Variants in PRR16 observed in about 807,000 individuals in gnomAD.
PRR16 encodes the protein protein Largen.
In PRR16, 6 loss-of-function variants were observed where a neutral mutation model predicts 18.2. The observed-to-expected ratio is 0.33, with a 90% CI of 0.18 to 0.65. PRR16 has a LOEUF of 0.65. Among genes scored for constraint, PRR16 ranks in the 30% least tolerant of loss-of-function variants. The pLI, the probability that PRR16 is intolerant of heterozygous loss-of-function variation, is 0.74. For synonymous variants in PRR16, 151 were observed against 147.8 expected (o/e 1.02, Z -0.16); for missense variants, 412 against 376.6 (o/e 1.09, Z -0.78).
chr5:120,729,142 T>C, the PRR16 span, among the ~76,000 whole-genome samples: 1 of 152,120 alleles, frequency 6.6e-6, no homozygotes, highest in Admixed American at 6.6e-5. Flanking sequence ...CTTCACAAAA[T>C]TTAGTAGAAT....
chr5:120,530,406 C>T (rs1464168231), intron 1 of PRR16, among the ~76,000 whole-genome samples: 1 of 150,682 alleles, frequency 6.6e-6, no homozygotes, highest in Non-Finnish European at 1.5e-5. Context: ...TCTCTACTTG[C>T]CCGATCTCCT....
intron 1 of PRR16, among the ~76,000 whole-genome samples, chr5:120,486,536 C>T (rs1311482351): frequency 6.6e-6 from 1 of 152,052 alleles, no homozygotes; most frequent in Non-Finnish European, 1.5e-5. Context: ...ATTGTAGATG[C>T]TGGATATTAG....
chr5:120,606,943 C>G (rs2112798645), intron 1 of PRR16, among the ~76,000 whole-genome samples: 1 of 152,152 alleles, frequency 6.6e-6, no homozygotes, highest in South Asian at 2.1e-4. Flanking sequence ...GTTTCCCTTA[C>G]CTAATATTAT....
At chr5:120,578,468 A>G (rs1051166831) in intron 1 of PRR16, among the ~76,000 whole-genome samples, 3 of 151,782 alleles carry the variant, frequency 2.0e-5, no homozygotes, top group Non-Finnish European at 2.9e-5. Flanking sequence ...TCAATGTTCA[A>G]CTCCAACTTA....
the PRR16 span, among the ~76,000 whole-genome samples, chr5:120,794,422 G>A: frequency 2.1e-4 from 32 of 152,066 alleles, no homozygotes; most frequent in African/African-American, 7.2e-4. Flanking sequence ...TAATTCTTAC[G>A]CTATTTCAAG....
At chr5:120,788,649 A>G in the PRR16 span, among the ~76,000 whole-genome samples, 1 of 152,216 alleles carries the variant, frequency 6.6e-6, no homozygotes, top group Non-Finnish European at 1.5e-5. Context: ...CCAGTTCCAA[A>G]CAGGCTTTTC....
intron 1 of PRR16, among the ~76,000 whole-genome samples, chr5:120,611,862 G>A (rs1754345359): frequency 6.6e-6 from 1 of 152,174 alleles, no homozygotes; most frequent in Non-Finnish European, 1.5e-5. Context: ...CCCCAGAATG[G>A]TAGCTCTACC....
At chr5:120,783,288 T>C in the PRR16 span, among the ~76,000 whole-genome samples, 1 of 152,222 alleles carries the variant, frequency 6.6e-6, no homozygotes, top group Admixed American at 6.5e-5. Context: ...AAAGCAGCTA[T>C]TTAATCAGAC....
At chr5:120,595,624 C>A (rs932894523) in intron 1 of PRR16, among the ~76,000 whole-genome samples, 1 of 151,866 alleles carries the variant, frequency 6.6e-6, no homozygotes, top group Non-Finnish European at 1.5e-5. Flanking sequence ...GTACACCACA[C>A]TCCATGACAC....
intron 1 of PRR16, among the ~76,000 whole-genome samples, chr5:120,568,909 GACAA>G (rs1480588120): frequency 6.6e-6 from 1 of 152,028 alleles, no homozygotes; most frequent in Non-Finnish European, 1.5e-5. Flanking sequence ...ACTGGTTCCT[GACAA>G]ACAAACACAA....
intron 1 of PRR16, among the ~76,000 whole-genome samples, chr5:120,508,484 A>G (rs1750718078): frequency 6.6e-6 from 1 of 152,124 alleles, no homozygotes; most frequent in African/African-American, 2.4e-5. Flanking sequence ...AATATTATAT[A>G]AGTAGTGTAT....
At chr5:120,669,558 A>G (rs1055156750) in intron 1 of PRR16, among the ~76,000 whole-genome samples, 35 of 152,114 alleles carry the variant, frequency 2.3e-4, no homozygotes, top group African/African-American at 8.0e-4. Context: ...ACATTTGAAA[A>G]TCATGTGTCC....
At chr5:120,716,214 C>G in the PRR16 span, among the ~76,000 whole-genome samples, 3 of 152,132 alleles carry the variant, frequency 2.0e-5, no homozygotes, top group Non-Finnish European at 2.9e-5. Flanking sequence ...TCCAAATCTG[C>G]CACCCTCCTT....
chr5:120,724,610 T>TG, the PRR16 span, among the ~76,000 whole-genome samples: 2 of 152,110 alleles, frequency 1.3e-5, no homozygotes. Flanking sequence ...ATCATGATAA[T>TG]TTTTTGTTTT....
chr5:120,653,213 G>A (rs1236403993), intron 1 of PRR16, among the ~76,000 whole-genome samples: 2 of 151,512 alleles, frequency 1.3e-5, no homozygotes, highest in Non-Finnish European at 2.9e-5. Flanking sequence ...CTCTATGTTG[G>A]TCCCATGGAT....
At chr5:120,538,651 G>A (rs528906690) in intron 1 of PRR16, among the ~76,000 whole-genome samples, 1 of 152,128 alleles carries the variant, frequency 6.6e-6, no homozygotes, top group African/African-American at 2.4e-5. Context: ...AGGTCTATAG[G>A]GTGCTTTTAT....
chr5:120,778,458 T>G, the PRR16 span, among the ~76,000 whole-genome samples: 1 of 152,152 alleles, frequency 6.6e-6, no homozygotes, highest in East Asian at 1.9e-4. Flanking sequence ...TTAAGTTGTA[T>G]ATATTTTATT....
intron 1 of PRR16, among the ~76,000 whole-genome samples, chr5:120,535,114 T>C (rs571850645): frequency 1.3e-3 from 190 of 151,540 alleles, no homozygotes; most frequent in African/African-American, 4.3e-3. Context: ...TAAAAGCCTA[T>C]GTGAGGATGC....
the PRR16 span, among the ~76,000 whole-genome samples, chr5:120,766,099 A>G: frequency 6.6e-6 from 1 of 152,006 alleles, no homozygotes; most frequent in Non-Finnish European, 1.5e-5. Flanking sequence ...TGGTAAAGCT[A>G]TCTATCTAGG....
Sources: gnomAD v4.1 joint callset for allele counts (sites outside exome capture counted in the v4.1 genomes callset) on GRCh38, gnomAD v4.1.1 for gene constraint, MANE v1.5 for transcripts, NCBI Gene and HGNC (gene_info 2026-07-23, HGNC 2026-07-21) for gene names.